Variants in ME1 observed in about 807,000 individuals in gnomAD.
ME1 encodes NADP-dependent malic enzyme.
Under a neutral mutation model 66.4 loss-of-function variants are expected in ME1, and 74 were observed. The ratio of observed to expected loss-of-function variants is 1.11; its 90% confidence interval spans 0.92 to 1.35. The LOEUF (loss-of-function observed/expected upper bound fraction) is 1.35. Ranked by LOEUF, ME1 falls within the 40% of genes most tolerant of loss-of-function variation. The pLI is 0.00. For synonymous variants in ME1, 251 were observed against 235.6 expected (o/e 1.07, Z -0.60); for missense variants, 750 against 694.1 (o/e 1.08, Z -0.90).
intron 5 of ME1, among the ~76,000 whole-genome samples, chr6:83,324,117 T>A (rs964518732): frequency 4.0e-4 from 61 of 151,964 alleles, no homozygotes; most frequent in African/African-American, 1.4e-3. Context: ...AAGGCAGAAA[T>A]AAATAAGTTC....
chr6:83,332,050 C>G (rs1768422720), intron 5 of ME1, among the ~76,000 whole-genome samples: 1 of 152,086 alleles, frequency 6.6e-6, no homozygotes, highest in African/African-American at 2.4e-5. Flanking sequence ...AGAAAATTTA[C>G]TTCACGTAAC....
At chr6:83,367,702 G>A (rs952435991) in intron 3 of ME1, among the ~76,000 whole-genome samples, 3 of 152,156 alleles carry the variant, frequency 2.0e-5, no homozygotes, top group African/African-American at 7.2e-5. Flanking sequence ...AGAGAGTTAG[G>A]GCTTGCTCTG....
intron 3 of ME1, chr6:83,392,962 C>T (rs972657333): frequency 2.4e-6 from 2 of 837,272 alleles, no homozygotes; most frequent in African/African-American, 3.3e-5. Flanking sequence ...ACCCAGAAGA[C>T]TATGGATGGC....
chr6:83,283,121 G>A (rs1319879867), intron 6 of ME1, among the ~76,000 whole-genome samples: 1 of 148,020 alleles, frequency 6.8e-6, no homozygotes, highest in Non-Finnish European at 1.5e-5. Context: ...CCAGCTACTC[G>A]GGAGGCTGAG....
chr6:83,323,395 T>C (rs900645404), intron 5 of ME1, among the ~76,000 whole-genome samples: 2 of 152,088 alleles, frequency 1.3e-5, no homozygotes, highest in African/African-American at 2.4e-5. Flanking sequence ...CAGTGTGCTG[T>C]ATTCAGGAGA....
intron 3 of ME1, among the ~76,000 whole-genome samples, chr6:83,356,403 A>T (rs1404344013): frequency 6.6e-6 from 1 of 152,200 alleles, no homozygotes; most frequent in Non-Finnish European, 1.5e-5. Context: ...AGAAGTACTA[A>T]AAAAAGCTAA....
intron 2 of ME1, among the ~76,000 whole-genome samples, chr6:83,402,459 T>C (rs914898325): frequency 2.0e-5 from 3 of 152,110 alleles, no homozygotes; most frequent in Admixed American, 2.0e-4. Context: ...AGAAACACAA[T>C]AATAAACCCA....
chr6:83,246,836 G>A (rs73487305), intron 7 of ME1, among the ~76,000 whole-genome samples: 4 of 152,032 alleles, frequency 2.6e-5, no homozygotes, highest in Admixed American at 6.6e-5. Context: ...CAATGGATGC[G>A]AGTGCTCATT....
At chr6:83,220,402 C>G (rs191499280) in intron 12 of ME1, among the ~76,000 whole-genome samples, 22 of 152,280 alleles carry the variant, frequency 1.4e-4, no homozygotes, top group Admixed American at 1.4e-3. Context: ...CTACAGACCA[C>G]ACAGGGCCAG....
chr6:83,324,716 C>CAAAAAAAAAAAA (rs55866196), intron 5 of ME1, among the ~76,000 whole-genome samples: 3 of 49,306 alleles, frequency 6.1e-5, no homozygotes, highest in African/African-American at 2.3e-4. Context: ...GCCTACCAAC[C>CAAAAAAAAAAAA]AAAAAAAAAA....
rs958807934 is a variant in ME1 at position 83,243,342 on chromosome 6, A to C, written c.815-3706T>G. The stretch of plus-strand genomic sequence containing the variant: ...TAATTATATAAAATATAATTATATT[A>C]TATTTATATATTTATATAATATATT... On this transcript the variant is annotated intron_variant, in intron 7 of 13. Coordinates refer to ENST00000369705, the MANE Select transcript of ME1 (RefSeq NM_002395.6). Among the ~76,000 whole-genome samples, 3 of 138,168 alleles carry C rather than the reference A, an allele frequency of 2.2e-5. No homozygotes were observed. In the Admixed American group the frequency reaches 2.4e-4, roughly 11 times the overall value. 90.6% of individuals were successfully genotyped at this position (138,168 alleles called of 152,430 possible).
rs982914153 is a variant in ME1 at position 83,345,061 on chromosome 6, G to A, written c.600+1112C>T. 3.3e-5 allele frequency among the ~76,000 whole-genome samples: 5 copies of A among 152,052 alleles called. No homozygotes were observed. In the South Asian group the frequency reaches 8.3e-4, roughly 25 times the overall value. On this transcript the variant is annotated intron_variant, in intron 5 of 13. Coordinates refer to ENST00000369705, the MANE Select transcript of ME1 (RefSeq NM_002395.6). The stretch of plus-strand genomic sequence containing the variant: ...AGCCCAGGTTGTAGTCCAATTGCGC[G>A]ATCATGGCTCACTGCATCCTGAATC...
Position 83,390,475 on chromosome 6 carries a change from C to T in ME1, c.362+7892G>A, listed in dbSNP as rs139478332. On this transcript the variant is annotated intron_variant, in intron 3 of 13. Transcript: ENST00000369705. ...TCCATCATTCACATCATTCACGCAT[C>T]CACAATTCCCTTTCTAATTAAATAC... 8.9e-3 allele frequency among the ~76,000 whole-genome samples: 1,353 copies of T among 152,242 alleles called. 18 individuals carry two copies. The highest frequency in any genetic ancestry group is 0.03 in the African/African-American group (1,267 of 41,552).
At chr6:83,321,547 G>T (rs1304409051) in intron 5 of ME1, among the ~76,000 whole-genome samples, 1 of 152,176 alleles carries the variant, frequency 6.6e-6, no homozygotes, top group East Asian at 1.9e-4. Context: ...AGTTTGGACT[G>T]GGTGAAGCCC....
intron 6 of ME1, among the ~76,000 whole-genome samples, chr6:83,268,120 G>A (rs547992167): frequency 4.6e-5 from 7 of 152,148 alleles, no homozygotes; most frequent in African/African-American, 1.7e-4. Flanking sequence ...CTGAACTGCA[G>A]AACAGATCAG....
At chr6:83,271,837 G>A (rs1767087046) in intron 6 of ME1, among the ~76,000 whole-genome samples, 1 of 151,884 alleles carries the variant, frequency 6.6e-6, no homozygotes, top group African/African-American at 2.4e-5. Flanking sequence ...AAGACACTAA[G>A]GGCAACATAT....
intron 5 of ME1, among the ~76,000 whole-genome samples, chr6:83,327,628 C>T (rs1768325057): frequency 6.6e-6 from 1 of 152,172 alleles, no homozygotes; most frequent in African/African-American, 2.4e-5. Flanking sequence ...TTATCAATGA[C>T]AATGGTGCCC....
intron 1 of ME1, among the ~76,000 whole-genome samples, chr6:83,420,038 C>A (rs1770235935): frequency 6.6e-6 from 1 of 152,058 alleles, no homozygotes; most frequent in African/African-American, 2.4e-5. Flanking sequence ...CTCATTTCTT[C>A]CAGCAGCCAT....
chr6:83,231,224 TTAATCA>T (rs1170287801), intron 9 of ME1, among the ~76,000 whole-genome samples: 59 of 152,118 alleles, frequency 3.9e-4, no homozygotes, highest in Non-Finnish European at 4.4e-5. Context: ...AGATATATAC[TTAATCA>T]TAAACATCTT....
Sources: gnomAD v4.1 joint callset for allele counts (sites outside exome capture counted in the v4.1 genomes callset) on GRCh38, gnomAD v4.1.1 for gene constraint, MANE v1.5 for transcripts, NCBI Gene and HGNC (gene_info 2026-07-23, HGNC 2026-07-21) for gene names.